TRIM37: variants seen among roughly 807,000 people sequenced by gnomAD.
TRIM37 encodes tripartite motif containing 37.
TRIM37 carries 80 observed loss-of-function variants against 129.8 expected under a neutral mutation model. The observed-to-expected ratio is 0.62, with a 90% CI of 0.51 to 0.74. TRIM37 has a LOEUF of 0.74. TRIM37 is among the 30% of genes least tolerant of loss of function. The pLI is 0.00. For missense variants in TRIM37, 1,054 were observed against 1,176.5 expected, an observed-to-expected ratio of 0.90 and a Z score of 1.52; for synonymous variants, 389 against 387.1, an observed-to-expected ratio of 1.00 and a Z score of -0.06.
chr17:59,027,422 A>G (rs1041528351), intron 19 of TRIM37, among the ~76,000 whole-genome samples: 1 of 152,168 alleles, frequency 6.6e-6, no homozygotes, highest in Non-Finnish European at 1.5e-5. Context: ...AGCCCTGCTG[A>G]TCTAAGACTG....
chr17:59,032,352 C>T (rs542115720), intron 17 of TRIM37, among the ~76,000 whole-genome samples: 1 of 150,536 alleles, frequency 6.6e-6, no homozygotes, highest in East Asian at 2.0e-4. Context: ...GGTGAAACCC[C>T]GTCTCTACTA....
Position 59,024,009 on chromosome 17 carries a change from T to C in TRIM37, c.2257+4406A>G, listed in dbSNP as rs10459922. ...TGGGTGGATCACCTGAGGTCAGGAG[T>C]TCAAGACCAGCCTGACGAATATGAT... is the stretch of plus-strand genomic sequence containing the variant. On this transcript the variant is annotated intron_variant, in intron 19 of 23. Transcript: ENST00000262294. Among the ~76,000 whole-genome samples the C allele has an allele frequency of 9.5e-4, 143 of 150,144 alleles. 2 individuals are homozygous for C. In the East Asian group the frequency reaches 0.025, roughly 26 times the overall value.
At chr17:59,001,783 C>T (rs1402442696) in intron 22 of TRIM37, 69 bp from the exon 23 acceptor site, 8 of 1,583,234 alleles carry the variant, frequency 5.1e-6, no homozygotes, top group Non-Finnish European at 6.0e-6. Context: ...CAGAAATCTC[C>T]GTATCTGCTA....
chr17:59,070,203 C>T (rs973923263), intron 9 of TRIM37, among the ~76,000 whole-genome samples: 13 of 152,168 alleles, frequency 8.5e-5, no homozygotes, highest in Non-Finnish European at 2.9e-5. Flanking sequence ...AAGGAATATG[C>T]TGTTCAGAAA....
chr17:59,025,747 G>A (rs149502588), intron 19 of TRIM37, among the ~76,000 whole-genome samples: 1,540 of 152,250 alleles, frequency 0.01, 27 homozygotes, highest in African/African-American at 0.035. Flanking sequence ...CAACAAGCCT[G>A]TGCTGTTCAA....
rs550633794 is a variant in TRIM37, at chr17:58,982,728, T to G, written c.*190A>C. The G allele has an allele frequency of 7.5e-6, 4 of 530,716 alleles. No individual in the cohort carries two copies. In the East Asian group the frequency reaches 1.2e-4, roughly 16 times the overall value. 32.9% of individuals were successfully genotyped at this position (530,716 alleles called of 1,614,324 possible). ...TTTCAGTATTTGTTTTCTCTTGATT[T>G]TGAAGTCATTTCTTCTTCTCACGTC... On this transcript the variant is annotated 3_prime_UTR_variant, in exon 25 of 25. Transcript: ENST00000393066.
chr17:59,063,089 CAA>C (rs1368558412), intron 10 of TRIM37, among the ~76,000 whole-genome samples: 1 of 151,046 alleles, frequency 6.6e-6, no homozygotes, highest in African/African-American at 2.4e-5. Flanking sequence ...GGAAAAACCT[CAA>C]AGAGACTATG....
chr17:59,022,123 T>C (rs1163466813), intron 19 of TRIM37, among the ~76,000 whole-genome samples: 1 of 152,094 alleles, frequency 6.6e-6, no homozygotes, highest in African/African-American at 2.4e-5. Flanking sequence ...ATTTAATCTG[T>C]AAAACAAGCA....
At chr17:59,009,149 C>T (rs2034924099) in intron 22 of TRIM37, among the ~76,000 whole-genome samples, 1 of 152,028 alleles carries the variant, frequency 6.6e-6, no homozygotes, top group African/African-American at 2.4e-5. Flanking sequence ...TTTTTTGAGA[C>T]AGAGTCTCGC....
intron 4 of TRIM37, among the ~76,000 whole-genome samples, chr17:59,087,244 C>T (rs2043839588): frequency 6.6e-6 from 1 of 151,876 alleles, no homozygotes; most frequent in Admixed American, 6.6e-5. Flanking sequence ...TATAGGCGTC[C>T]ACCACGACGC....
At chr17:59,021,412 T>C (rs570256114) in intron 19 of TRIM37, among the ~76,000 whole-genome samples, 145 of 151,304 alleles carry the variant, frequency 9.6e-4, no homozygotes, top group Middle Eastern at 3.4e-3. Flanking sequence ...AAAAAAAAAA[T>C]GTGGTACATA....
Position 59,083,104 on chromosome 17 carries a change from T to C in TRIM37, c.369+898A>G, listed in dbSNP as rs1231092124. Among the ~76,000 whole-genome samples the C allele has an allele frequency of 4.6e-5, 7 of 152,314 alleles. No individual in the cohort carries two copies. The East Asian group carries it at 1.3e-3, about 29-fold the overall frequency. ...ATTGTGTTTATTCTCAACCTATTTA[T>C]GCCAATTGTACTTATTATTGTAAGG... On this transcript the variant is annotated intron_variant, in intron 5 of 23. Coordinates refer to ENST00000262294, the MANE Select transcript of TRIM37 (RefSeq NM_015294.6).
chr17:59,061,907 T>A (rs2041526201), intron 11 of TRIM37, among the ~76,000 whole-genome samples: 1 of 152,038 alleles, frequency 6.6e-6, no homozygotes, highest in Non-Finnish European at 1.5e-5. Context: ...AGGCAACTTT[T>A]GAGGTTCGAC....
rs147150833 is a variant in TRIM37 at position 59,082,753 on chromosome 17, T to C, written c.369+1249A>G. On this transcript the variant is annotated intron_variant, in intron 5 of 23. Coordinates refer to ENST00000262294, the MANE Select transcript of TRIM37 (RefSeq NM_015294.6). ...ATAAGTTCTTACTAGAATTGTCTTATTTAGCCAAAGTATCCCATTATTGTC... is the reference window on the plus strand; with the variant it reads ...ATAAGTTCTTACTAGAATTGTCTTACTTAGCCAAAGTATCCCATTATTGTC... Among the ~76,000 whole-genome samples, 361 of 152,348 alleles carry C rather than the reference T, an allele frequency of 2.4e-3. 4 individuals are homozygous for C. Among genetic ancestry groups the C allele is most frequent in the African/African-American group, 8.3e-3 (345 of 41,596 alleles).
intron 12 of TRIM37, among the ~76,000 whole-genome samples, chr17:59,060,740 T>G (rs1307301017): frequency 6.6e-6 from 1 of 152,182 alleles, no homozygotes; most frequent in Non-Finnish European, 1.5e-5. Flanking sequence ...ATACATGTAT[T>G]TCAATCAAAA....
intron 13 of TRIM37, among the ~76,000 whole-genome samples, chr17:59,053,086 C>T (rs1375763820): frequency 1.3e-5 from 2 of 152,130 alleles, no homozygotes; most frequent in Non-Finnish European, 2.9e-5. Context: ...CTAGGAAGTA[C>T]CCACTGGTAA....
the TRIM37 span, among the ~76,000 whole-genome samples, chr17:58,971,972 T>C: frequency 6.6e-6 from 1 of 152,240 alleles, no homozygotes; most frequent in Non-Finnish European, 1.5e-5. Context: ...CATACATGCA[T>C]ATACAAATGC....
downstream of TRIM37, among the ~76,000 whole-genome samples, chr17:58,995,090 G>A (rs146137171): frequency 8.6e-5 from 13 of 151,508 alleles, no homozygotes; most frequent in Middle Eastern, 3.4e-3. Flanking sequence ...ACTCTGTCAC[G>A]CAGGCTGAAG....
intron 24 of TRIM37, among the ~76,000 whole-genome samples, chr17:58,988,574 C>T (rs1243246868): frequency 6.6e-6 from 1 of 152,094 alleles, no homozygotes; most frequent in Non-Finnish European, 1.5e-5. Flanking sequence ...AACCTAGGGA[C>T]ACAGTGCCTA....
Sources: allele counts gnomAD v4.1 joint callset (sites outside exome capture counted in the v4.1 genomes callset), GRCh38; gene constraint gnomAD v4.1.1; transcripts MANE v1.5; gene names NCBI Gene and HGNC (gene_info 2026-07-23, HGNC 2026-07-21).